LUC7L2: variants seen among roughly 807,000 people sequenced by gnomAD.
LUC7L2 encodes LUC7 like 2, pre-mRNA splicing factor.
A neutral mutation model predicts 52.8 loss-of-function variants in LUC7L2; 25 were observed. The observed-to-expected ratio is 0.47, with a 90% confidence interval of 0.34 to 0.66. The LOEUF (loss-of-function observed/expected upper bound fraction) is 0.66, where lower values mean the gene tolerates loss of function less well. Ranked by LOEUF, LUC7L2 falls within the 30% of genes least tolerant of loss-of-function variation. The probability of loss-of-function intolerance (pLI) is 0.01; values close to 1 mark genes in which losing one functional copy is unlikely to be tolerated. For missense variants in LUC7L2, 328 were observed against 497.8 expected, an observed-to-expected ratio of 0.66 and a Z score of 3.25; for synonymous variants, 144 against 160.9, an observed-to-expected ratio of 0.89 and a Z score of 0.80.
At chr7:139,340,790 T>G (rs906468496) in intron 1 of LUC7L2, among the ~76,000 whole-genome samples, 2 of 135,214 alleles carry the variant, frequency 1.5e-5, no homozygotes, top group East Asian at 4.3e-4. Context: ...ACTTTTGTCC[T>G]TTTTTCCCCT....
At chr7:139,392,992 T>C (rs972344546) in intron 2 of LUC7L2, among the ~76,000 whole-genome samples, 1 of 149,594 alleles carries the variant, frequency 6.7e-6, no homozygotes, top group African/African-American at 2.4e-5. Context: ...TAAGACCAGG[T>C]GTGGTGGCTC....
intron 1 of LUC7L2, among the ~76,000 whole-genome samples, chr7:139,347,163 G>C (rs1002940121): frequency 1.1e-4 from 17 of 152,236 alleles, no homozygotes; most frequent in Middle Eastern, 3.4e-3. Context: ...TTTTCTCGGG[G>C]ACTATGTCTC....
intron 6 of LUC7L2, among the ~76,000 whole-genome samples, chr7:139,407,606 A>G (rs1175208945): frequency 6.6e-6 from 1 of 152,182 alleles, no homozygotes; most frequent in Non-Finnish European, 1.5e-5. Context: ...CTTTCAAACT[A>G]GTTACTAAAA....
At chr7:139,422,067 A>G (rs1585144834) in intron 9 of LUC7L2, 96 bp from the exon 10 acceptor site, 4 of 1,470,190 alleles carry the variant, frequency 2.7e-6, no homozygotes, top group Middle Eastern at 2.1e-4. Flanking sequence ...TCGTCTATAT[A>G]TCTTCAGCTA....
intron 1 of LUC7L2, among the ~76,000 whole-genome samples, chr7:139,350,513 TC>T: frequency 6.6e-6 from 1 of 152,092 alleles, no homozygotes; most frequent in Admixed American, 6.6e-5. Flanking sequence ...CAGTCTGGTT[TC>T]CGCCCCTCTA....
intron 2 of LUC7L2, chr7:139,392,606 A>G (rs1346175488): frequency 1.6e-5 from 3 of 191,520 alleles, no homozygotes; most frequent in Non-Finnish European, 3.4e-5. Context: ...AGATGTAAAA[A>G]TATTAAAAAC....
upstream of LUC7L2, among the ~76,000 whole-genome samples, chr7:139,356,814 C>T (rs1037857333): frequency 2.0e-5 from 3 of 151,986 alleles, no homozygotes; most frequent in Non-Finnish European, 4.4e-5. Context: ...GCCTGTGGAC[C>T]GTAGCTTGCT....
intron 8 of LUC7L2, among the ~76,000 whole-genome samples, chr7:139,415,507 TGA>T (rs965610434): frequency 6.6e-6 from 1 of 151,818 alleles, no homozygotes; most frequent in South Asian, 2.1e-4. Flanking sequence ...AAACTTACAC[TGA>T]GAGTTTTATA....
In LUC7L2 at chr7:139,422,977, A is replaced by G. The variant is rs1379547056; in HGVS notation, c.*637A>G. ...CTTTTGCTTTTTTATTGAAATTTTG[A>G]AATCAAACGTCTTGATTTTTCTGTT... On this transcript the variant is annotated 3_prime_UTR_variant, in exon 10 of 10. Transcript: ENST00000354926. The G allele has an allele frequency of 5.0e-6, 2 of 398,694 alleles. No individual in the cohort carries two copies. The highest frequency in any genetic ancestry group is 8.8e-6 in the Non-Finnish European group (2 of 226,034). The allele number at this position is 398,694 out of a possible 1,614,324, so 24.7% of individuals were successfully genotyped here.
At chr7:139,381,534 C>CGAGT (rs1801021400) in intron 2 of LUC7L2, among the ~76,000 whole-genome samples, 1 of 151,472 alleles carries the variant, frequency 6.6e-6, no homozygotes. Flanking sequence ...CTCAGCCTCC[C>CGAGT]GAGTAGCTGG....
At chr7:139,406,384 A>ACT (rs1471128098) in intron 5 of LUC7L2, among the ~76,000 whole-genome samples, 1 of 125,340 alleles carries the variant, frequency 8.0e-6, no homozygotes, top group African/African-American at 3.1e-5. Context: ...ACAGAGTCTT[A>ACT]CTCTCTCTCC....
rs550894922 is a variant in LUC7L2, at chr7:139,385,377, C to CA, written c.156+9222dup. On this transcript the variant is annotated intron_variant, in intron 2 of 9. Coordinates refer to ENST00000354926, the MANE Select transcript of LUC7L2 (RefSeq NM_016019.5). ...TCATTCTGGCACCCAGGCTGGACTG[C>CA]AGTGGTATAATCGTAGCCAGTGCAG... Among the ~76,000 whole-genome samples the CA allele has an allele frequency of 7.0e-5, 10 of 143,590 alleles. No homozygotes were observed. In the East Asian group the frequency reaches 1.9e-3, roughly 27 times the overall value. 94.2% of individuals were successfully genotyped at this position (143,590 alleles called of 152,430 possible).
rs775840000 is a variant in LUC7L2 at position 139,412,534 on chromosome 7, A to G, written c.780-17A>G. 10 of 1,549,520 alleles carry G rather than the reference A, an allele frequency of 6.5e-6. No homozygotes were observed. The highest frequency in any genetic ancestry group is 1.2e-5 in the South Asian group (1 of 86,160). ...TTTATAGCCACTTTTCTAAAAATAC[A>G]TATTTTTTTTTTTTAGGTCCCGATC... is the stretch of plus-strand genomic sequence containing the variant. On this transcript the variant is annotated splice_polypyrimidine_tract_variant and intron_variant, in intron 7 of 9. Transcript: ENST00000354926.
intron 2 of LUC7L2, among the ~76,000 whole-genome samples, chr7:139,377,307 C>T (rs563812005): frequency 6.6e-6 from 1 of 152,278 alleles, no homozygotes; most frequent in East Asian, 1.9e-4. Context: ...TGGCTTCAAG[C>T]GATTCTCCTG....
chr7:139,416,336 T>C lies in LUC7L2; in HGVS notation c.810-1202T>C, dbSNP rs1213813855. 2.0e-5 allele frequency: 3 copies of C among 151,846 alleles called. No homozygotes were observed. The East Asian group carries it at 5.8e-4, about 29-fold the overall frequency. The allele number at this position is 151,846 out of a possible 1,614,324, so 9.4% of individuals were successfully genotyped here. A position where few individuals can be genotyped will look rare whatever the true frequency, so the allele number is the denominator to read the frequency against. The stretch of plus-strand genomic sequence containing the variant: ...TGGAGGCTATAAAAGTGTCTTACCT[T>C]GTGGGTTTTTTTCTTTTCAAAAAAT... On this transcript the variant is annotated intron_variant, in intron 8 of 9. Transcript: ENST00000354926.
intron 2 of LUC7L2, among the ~76,000 whole-genome samples, chr7:139,393,067 G>C (rs1382336889): frequency 6.6e-6 from 1 of 152,052 alleles, no homozygotes; most frequent in East Asian, 1.9e-4. Context: ...AAGAGTTTTA[G>C]ACCAGCCAGG....
intron 4 of LUC7L2, among the ~76,000 whole-genome samples, chr7:139,404,755 A>G (rs1795049388): frequency 6.6e-6 from 1 of 152,224 alleles, no homozygotes; most frequent in Non-Finnish European, 1.5e-5. Flanking sequence ...CCAGGCGAGT[A>G]TGCTGAAAAT....
intron 1 of LUC7L2, among the ~76,000 whole-genome samples, chr7:139,361,587 A>T (rs1253653091): frequency 6.6e-6 from 1 of 152,244 alleles, no homozygotes; most frequent in Admixed American, 6.5e-5. Context: ...ATAGGTGTAG[A>T]TGGCAAACCT....
chr7:139,375,242 C>G, intron 1 of LUC7L2: 1 of 984,574 alleles, frequency 1.0e-6, no homozygotes, highest in Non-Finnish European at 1.2e-6. Flanking sequence ...AGTAGATAGC[C>G]ATATTTGATA....
Sources: gnomAD v4.1 joint callset for allele counts (sites outside exome capture counted in the v4.1 genomes callset) on GRCh38, gnomAD v4.1.1 for gene constraint, MANE v1.5 for transcripts, NCBI Gene and HGNC (gene_info 2026-07-23, HGNC 2026-07-21) for gene names.